MACROD2: variants seen among roughly 807,000 people sequenced by gnomAD.
The protein encoded by MACROD2 is ADP-ribose glycohydrolase MACROD2.
In MACROD2, 36 loss-of-function variants were observed where a neutral mutation model predicts 70.4. The ratio of observed to expected loss-of-function variants is 0.51; its 90% CI spans 0.39 to 0.68. The LOEUF is 0.68. Among genes scored for constraint, MACROD2 ranks in the 30% least tolerant of loss-of-function variants. The pLI is 0.00. For missense variants in MACROD2, 496 were observed against 538.4 expected (o/e 0.92, Z 0.78); for synonymous variants, 172 against 178.8 (o/e 0.96, Z 0.30).
intron 7 of MACROD2, among the ~76,000 whole-genome samples, chr20:15,457,950 A>G (rs77857557): frequency 2.8e-5 from 4 of 141,408 alleles, no homozygotes; most frequent in Non-Finnish European, 6.2e-5. Context: ...ACCTTAAATG[A>G]AAAAAAAAAA....
chr20:14,049,167 T>C (rs111650360), intron 2 of MACROD2, among the ~76,000 whole-genome samples: 1 of 89,848 alleles, frequency 1.1e-5, no homozygotes, highest in African/African-American at 3.7e-5. Context: ...ACTAAAAATA[T>C]ATTTAATAAA....
intron 2 of MACROD2, among the ~76,000 whole-genome samples, chr20:14,023,253 T>C (rs2053113373): frequency 6.6e-6 from 1 of 152,236 alleles, no homozygotes; most frequent in South Asian, 2.1e-4. Flanking sequence ...TGGGGTTGTT[T>C]CTTTCTTGTA....
intron 8 of MACROD2, among the ~76,000 whole-genome samples, chr20:15,513,181 C>A (rs999442905): frequency 2.0e-5 from 3 of 152,176 alleles, no homozygotes; most frequent in Non-Finnish European, 4.4e-5. Flanking sequence ...TTTATAAGTT[C>A]TTTCAAGCCT....
intron 2 of MACROD2, among the ~76,000 whole-genome samples, chr20:14,067,561 C>G (rs896746785): frequency 2.0e-5 from 3 of 152,142 alleles, no homozygotes; most frequent in Non-Finnish European, 4.4e-5. Context: ...CACAAGATTA[C>G]TTGAAGAATT....
intron 7 of MACROD2, among the ~76,000 whole-genome samples, chr20:15,456,644 CGG>C (rs1434545113): frequency 6.6e-6 from 1 of 152,094 alleles, no homozygotes; most frequent in Admixed American, 6.6e-5. Context: ...AAGCAGCTGC[CGG>C]GGAAGTTGTG....
At chr20:15,566,273 C>G (rs2048308902) in intron 8 of MACROD2, among the ~76,000 whole-genome samples, 2 of 152,006 alleles carry the variant, frequency 1.3e-5, no homozygotes, top group Admixed American at 1.3e-4. Context: ...TCCTTGAGGC[C>G]AAGAGTTCAA....
In MACROD2 at chr20:15,454,450, CA is replaced by C. The variant is rs1568820089; in HGVS notation, c.571+23016del. 1.4e-3 allele frequency among the ~76,000 whole-genome samples: 185 copies of C among 134,496 alleles called. 1 individual carries two copies. Among genetic ancestry groups the C allele is most frequent in the African/African-American group, 4.2e-3 (156 of 37,538 alleles). The allele number at this position is 134,496 out of a possible 152,430, so 88.2% of individuals were successfully genotyped here. On this transcript the variant is annotated intron_variant, in intron 7 of 17. Coordinates refer to ENST00000684519, the MANE Select transcript of MACROD2 (RefSeq NM_001351661.2). ...ACACACACACACACACACACACACA[CA>C]CACCCTTATTATACAACTTAGTTTC...
chr20:15,711,160 C>A (rs1012654613), intron 8 of MACROD2, among the ~76,000 whole-genome samples: 2 of 152,108 alleles, frequency 1.3e-5, no homozygotes, highest in Non-Finnish European at 2.9e-5. Flanking sequence ...AATAGGCTTT[C>A]AAGGGAGAAT....
chr20:15,214,844 C>T lies in MACROD2; in HGVS notation c.419-15096C>T, dbSNP rs574259545. ...AATACTCTATTGATATCATGTGCTG[C>T]GGCTTCAAAACACTACTCAGTAAGG... On this transcript the variant is annotated intron_variant, in intron 5 of 17. Transcript: ENST00000684519. Among the ~76,000 whole-genome samples the T allele has an allele frequency of 1.2e-4, 18 of 152,244 alleles. No homozygotes were observed. The East Asian group carries it at 1.7e-3, about 15-fold the overall frequency.
At chr20:14,589,344 A>C (rs1043752846) in intron 4 of MACROD2, among the ~76,000 whole-genome samples, 1 of 152,140 alleles carries the variant, frequency 6.6e-6, no homozygotes, top group African/African-American at 2.4e-5. Context: ...TTTTTGAAGC[A>C]GTGTTAGCAT....
chr20:14,500,839 C>T (rs1245525796), intron 4 of MACROD2, among the ~76,000 whole-genome samples: 2 of 152,086 alleles, frequency 1.3e-5, no homozygotes, highest in Non-Finnish European at 2.9e-5. Flanking sequence ...GTGTGTATTC[C>T]CCAATTAAGG....
At chr20:15,561,775 CG>C (rs1238677610) in intron 8 of MACROD2, among the ~76,000 whole-genome samples, 1 of 151,910 alleles carries the variant, frequency 6.6e-6, no homozygotes, top group African/African-American at 2.4e-5. Flanking sequence ...CTTTTTCTTC[CG>C]TAGCCATGTG....
At chr20:14,705,168 C>T (rs758455419) in intron 5 of MACROD2, among the ~76,000 whole-genome samples, 13 of 152,184 alleles carry the variant, frequency 8.5e-5, no homozygotes, top group Non-Finnish European at 1.6e-4. Context: ...CTATCCTCCT[C>T]ATGTTGTACA....
intron 4 of MACROD2, among the ~76,000 whole-genome samples, chr20:14,495,576 G>A (rs2084844534): frequency 6.6e-6 from 1 of 152,158 alleles, no homozygotes; most frequent in Admixed American, 6.6e-5. Context: ...GGAAAACAGT[G>A]TAATGTACCT....
intron 8 of MACROD2, among the ~76,000 whole-genome samples, chr20:15,534,761 A>G (rs999220646): frequency 6.6e-6 from 1 of 152,196 alleles, no homozygotes; most frequent in African/African-American, 2.4e-5. Flanking sequence ...TGGAGTAAAC[A>G]AAGCAAAGGC....
At chr20:14,695,669 A>G (rs1431902552) in intron 5 of MACROD2, among the ~76,000 whole-genome samples, 1 of 152,170 alleles carries the variant, frequency 6.6e-6, no homozygotes, top group Non-Finnish European at 1.5e-5. Context: ...GCCTGCAGCA[A>G]TGTGAGTGCG....
At chr20:14,378,641 G>C (rs73254884) in intron 3 of MACROD2, among the ~76,000 whole-genome samples, 112 of 152,316 alleles carry the variant, frequency 7.4e-4, no homozygotes, top group African/African-American at 2.6e-3. Flanking sequence ...AGTTGTATTT[G>C]TTAAGCACAT....
At chr20:15,808,555 T>C (rs1407603871) in intron 8 of MACROD2, among the ~76,000 whole-genome samples, 3 of 152,218 alleles carry the variant, frequency 2.0e-5, no homozygotes, top group African/African-American at 7.2e-5. Flanking sequence ...CTATTTTACT[T>C]ATAAAAGTAT....
intron 6 of MACROD2, among the ~76,000 whole-genome samples, chr20:15,249,470 C>T (rs2077135243): frequency 6.6e-6 from 1 of 152,152 alleles, no homozygotes; most frequent in Admixed American, 6.5e-5. Flanking sequence ...ACACTCCTTC[C>T]CTCTGATTAG....
Sources: allele counts gnomAD v4.1 joint callset (sites outside exome capture counted in the v4.1 genomes callset), GRCh38; gene constraint gnomAD v4.1.1; transcripts MANE v1.5; gene names NCBI Gene and HGNC (gene_info 2026-07-23, HGNC 2026-07-21).